Variants in MTUS2 observed in about 807,000 individuals in gnomAD.
The protein encoded by MTUS2 is microtubule-associated tumor suppressor candidate 2.
Under a neutral mutation model 114.1 loss-of-function variants are expected in MTUS2, and 40 were observed. The ratio of observed to expected loss-of-function variants is 0.35; its 90% CI spans 0.27 to 0.46. The LOEUF is 0.46. MTUS2 is among the 20% of genes least tolerant of loss of function. MTUS2 has a pLI of 1.00. For missense variants in MTUS2, 1,679 were observed against 1,705.4 expected (o/e 0.98, Z 0.27); for synonymous variants, 688 against 672.0 (o/e 1.02, Z -0.37).
At chr13:28,927,155 G>A (rs1881369616) in intron 2 of MTUS2, among the ~76,000 whole-genome samples, 1 of 152,116 alleles carries the variant, frequency 6.6e-6, no homozygotes, top group African/African-American at 2.4e-5. Flanking sequence ...TATTTTTTTG[G>A]TTGATGTAAA....
intron 2 of MTUS2, among the ~76,000 whole-genome samples, chr13:28,952,471 A>C (rs1392506920): frequency 6.6e-6 from 1 of 152,192 alleles, no homozygotes; most frequent in African/African-American, 2.4e-5. Flanking sequence ...TTTTTTCCTA[A>C]TATCATATGC....
chr13:29,441,364 A>C (rs1031471334), intron 9 of MTUS2, among the ~76,000 whole-genome samples: 1 of 152,180 alleles, frequency 6.6e-6, no homozygotes, highest in East Asian at 1.9e-4. Context: ...CACTCCCCGC[A>C]GACGCTTGCT....
Position 29,502,989 on chromosome 13 carries a change from G to A in MTUS2, c.3897-4G>A. ...GCTACTTATTTGTCATTGTGCCCAT[G>A]CAGACAGCTGTCGGAGGAAAATGCT... On this transcript the variant is annotated splice_region_variant and splice_polypyrimidine_tract_variant and intron_variant, in intron 15 of 15. Transcript: ENST00000612955. 1 of 1,613,930 alleles carries A rather than the reference G, an allele frequency of 6.2e-7. No individual in the cohort carries two copies. Among genetic ancestry groups the A allele is most frequent in the South Asian group, 1.1e-5 (1 of 91,006 alleles).
At chr13:28,845,213 G>T (rs923291757) in intron 2 of MTUS2, among the ~76,000 whole-genome samples, 6 of 152,132 alleles carry the variant, frequency 3.9e-5, no homozygotes, top group Non-Finnish European at 8.8e-5. Context: ...GCCTCCCAAA[G>T]CACTGGGGTA....
At chr13:29,432,996 G>A (rs972656916) in intron 8 of MTUS2, among the ~76,000 whole-genome samples, 3 of 152,206 alleles carry the variant, frequency 2.0e-5, no homozygotes, top group Non-Finnish European at 4.4e-5. Context: ...AACTTCTTAA[G>A]TGATACACAA....
intron 7 of MTUS2, among the ~76,000 whole-genome samples, chr13:29,343,249 C>T (rs9506155): frequency 7.6e-4 from 115 of 151,970 alleles, no homozygotes; most frequent in African/African-American, 2.7e-3. Context: ...CTTCTTTGAA[C>T]GTCTCATAGA....
intron 2 of MTUS2, among the ~76,000 whole-genome samples, chr13:28,849,284 C>CA (rs1197232018): frequency 1.3e-5 from 2 of 152,132 alleles, no homozygotes; most frequent in Admixed American, 1.3e-4. Flanking sequence ...TTCAAAGATT[C>CA]AAAGCAAGTG....
At chr13:29,375,638 TAC>T (rs372115905) in intron 8 of MTUS2, among the ~76,000 whole-genome samples, 125 of 8,150 alleles carry the variant, frequency 0.015, 22 homozygotes, top group African/African-American at 0.029. Flanking sequence ...TATATATATA[TAC>T]ACACACCATG....
At position 28,851,992 on chromosome 13, in the gene MTUS2, G is replaced by A. The variant is rs565742395; in HGVS notation, c.-243+12142G>A. Reference sequence around the variant, plus strand: ...GTTCACACTTGCTTTCCATCACACCGGGACTTGAACCCCACATCTATCTCC... The same window carrying A: ...GTTCACACTTGCTTTCCATCACACCAGGACTTGAACCCCACATCTATCTCC... On this transcript the variant is annotated intron_variant, in intron 2 of 15. Coordinates refer to ENST00000612955, the MANE Select transcript of MTUS2 (RefSeq NM_001033602.4). 1.1e-4 allele frequency among the ~76,000 whole-genome samples: 17 copies of A among 152,224 alleles called. No homozygotes were observed. In the South Asian group the frequency reaches 1.2e-3, roughly 11 times the overall value.
intron 9 of MTUS2, among the ~76,000 whole-genome samples, chr13:29,468,744 C>T (rs1486578484): frequency 1.3e-5 from 2 of 152,148 alleles, no homozygotes; most frequent in East Asian, 3.9e-4. Flanking sequence ...CTGCTTCACC[C>T]ATCTTTGCAA....
At chr13:29,481,916 G>A (rs1203643860) in intron 10 of MTUS2, among the ~76,000 whole-genome samples, 1 of 152,072 alleles carries the variant, frequency 6.6e-6, no homozygotes, top group Non-Finnish European at 1.5e-5. Context: ...CTGAACCCCC[G>A]GTGTCGTGCC....
At chr13:29,184,749 C>T (rs963533016) in intron 5 of MTUS2, among the ~76,000 whole-genome samples, 2 of 152,172 alleles carry the variant, frequency 1.3e-5, no homozygotes, top group African/African-American at 4.8e-5. Context: ...ACTGAACAAA[C>T]GGACGACAAA....
chr13:29,125,823 C>G (rs944652632), intron 5 of MTUS2, among the ~76,000 whole-genome samples: 1 of 152,194 alleles, frequency 6.6e-6, no homozygotes, highest in Admixed American at 6.5e-5. Context: ...ACTCAGTTCA[C>G]TTCCTGCACA....
intron 4 of MTUS2, among the ~76,000 whole-genome samples, chr13:29,092,515 T>A (rs1890002918): frequency 1.3e-5 from 2 of 152,174 alleles, no homozygotes; most frequent in African/African-American, 4.8e-5. Context: ...CACCTCACCC[T>A]TCGATTGTCA....
intron 2 of MTUS2, among the ~76,000 whole-genome samples, 153 bp from the exon 3 acceptor site, chr13:29,024,304 G>A (rs1360467988): frequency 6.6e-6 from 1 of 152,098 alleles, no homozygotes; most frequent in Non-Finnish European, 1.5e-5. Context: ...TATTTGGCCA[G>A]GAGGAGCCCT....
rs538756800 is a variant in MTUS2, at chr13:28,871,827, A to G, written c.-243+31977A>G. Among the ~76,000 whole-genome samples the G allele has an allele frequency of 1.3e-4, 20 of 152,290 alleles. No homozygotes were observed. In the South Asian group the frequency reaches 3.9e-3, roughly 30 times the overall value. On this transcript the variant is annotated intron_variant, in intron 2 of 15. Transcript: ENST00000612955. ...TTTGATCAGAGACCTGTGTCATGCA[A>G]AAGAGCCCACCATTCCAATATCTCA...
chr13:29,015,110 T>C (rs139662787), intron 2 of MTUS2, among the ~76,000 whole-genome samples: 121 of 152,280 alleles, frequency 7.9e-4, no homozygotes, highest in African/African-American at 2.8e-3. Flanking sequence ...AATCAGATCA[T>C]TGGTTGCCGT....
Position 29,100,965 on chromosome 13 carries a change from C to G in MTUS2, c.2639C>G (p.Ala880Gly). ...DSAQPEQGRPATRSTFGNEEQ... is the reference protein window; with the variant it reads ...DSAQPEQGRPGTRSTFGNEEQ... ...GCACAGCCAGAGCAGGGCCGGCCAG[C>G]CACCCGTAAGTGGGGTGGGGCAGGG... The change falls in exon 5 of 16, where the codon GCC becomes GGC. Residue 880 changes from alanine to glycine, a missense_variant. This residue lies in a region of MTUS2 where 822 missense variants were observed against 899.7 expected (regional missense o/e 0.91). Transcript: ENST00000612955. 6.4e-7 allele frequency: 1 copy of G among 1,559,654 alleles called. No homozygotes were observed. The highest frequency in any genetic ancestry group is 1.2e-5 in the South Asian group (1 of 84,688).
At chr13:28,831,327 G>C (rs7989692) in intron 1 of MTUS2, among the ~76,000 whole-genome samples, 73,310 of 151,994 alleles carry the variant, frequency 0.48, 18,311 homozygotes, top group Non-Finnish European at 0.53. Flanking sequence ...ACTAATCACT[G>C]TAGTCAAAAG....
Sources: gnomAD v4.1 joint callset for allele counts (sites outside exome capture counted in the v4.1 genomes callset) on GRCh38, gnomAD v4.1.1 for gene constraint, gnomAD v4.1.1 regional missense constraint, MANE v1.5 for transcripts, NCBI Gene and HGNC (gene_info 2026-07-23, HGNC 2026-07-21) for gene names.